FBN3: variants seen among roughly 807,000 people sequenced by gnomAD.
FBN3 encodes fibrillin-3.
Under a neutral mutation model 330.1 loss-of-function variants are expected in FBN3, and 234 were observed. That is an observed-to-expected ratio of 0.71 (90% CI 0.64 to 0.79). FBN3 has a LOEUF of 0.79. FBN3 is among the 30% of genes least tolerant of loss of function. The pLI is 0.00. For missense variants in FBN3, 3,606 were observed against 3,886.9 expected (o/e 0.93, Z 1.92); for synonymous variants, 1,458 against 1,517.3 (o/e 0.96, Z 0.91).
intron 22 of FBN3, among the ~76,000 whole-genome samples, 170 bp downstream of exon 22, chr19:8,125,722 C>T (rs900053204): frequency 2.0e-5 from 3 of 147,500 alleles, no homozygotes; most frequent in African/African-American, 7.6e-5. Context: ...ACCCGGGAGG[C>T]GGAAGTTACA....
chr19:8,133,473 C>CA (rs1202539801), intron 13 of FBN3, among the ~76,000 whole-genome samples: 1 of 150,290 alleles, frequency 6.7e-6, no homozygotes, highest in Non-Finnish European at 1.5e-5. Context: ...TTTTTTGAGA[C>CA]AGAGTCTCGC....
intron 8 of FBN3, among the ~76,000 whole-genome samples, chr19:8,140,224 G>A (rs2083380074): frequency 6.6e-6 from 1 of 152,208 alleles, no homozygotes; most frequent in South Asian, 2.1e-4. Flanking sequence ...AGCACTTTGG[G>A]AGGCTGAGGC....
intron 8 of FBN3, 106 bp downstream of exon 8, chr19:8,141,605 AGAACTG>A: frequency 8.1e-7 from 1 of 1,240,504 alleles, no homozygotes; most frequent in Non-Finnish European, 1.1e-6. Context: ...GGACAAGGTC[AGAACTG>A]GGCACCTCAC....
chr19:8,066,652 G>A (rs938762504), intron 63 of FBN3, among the ~76,000 whole-genome samples: 8 of 151,700 alleles, frequency 5.3e-5, no homozygotes, highest in Non-Finnish European at 7.4e-5. Context: ...AGGCCGAGGC[G>A]GGTGGATCAC....
At chr19:8,139,019 A>C (rs2083352520) in intron 8 of FBN3, among the ~76,000 whole-genome samples, 1 of 151,460 alleles carries the variant, frequency 6.6e-6, no homozygotes. Context: ...ATGCCACTGC[A>C]CTCCGGCCTG....
Position 8,147,334 on chromosome 19 carries a change from G to T in FBN3, c.147C>A (p.Gly49=), listed in dbSNP as rs1262997574. ...CGCACCCCTGCAAGATGCCTGGGCTGCCCCGCCTCCGCACACGTCCAGGAC... is the reference window on the plus strand; with the variant it reads ...CGCACCCCTGCAAGATGCCTGGGCTTCCCCGCCTCCGCACACGTCCAGGAC... ...AAGPGRVRRR[G]SPGILQGPNV... Residue 49 remains glycine, a synonymous_variant, in exon 2 of 64, where the codon GGC becomes GGA. Coordinates refer to ENST00000600128, the MANE Select transcript of FBN3 (RefSeq NM_032447.5). 6.3e-7 allele frequency: 1 copy of T among 1,597,584 alleles called. No homozygotes were observed. Among genetic ancestry groups the T allele is most frequent in the Non-Finnish European group, 8.5e-7 (1 of 1,174,296 alleles).
chr19:8,083,878 C>T (rs1189341868), intron 56 of FBN3, among the ~76,000 whole-genome samples: 1 of 149,766 alleles, frequency 6.7e-6, no homozygotes, highest in Middle Eastern at 3.3e-3. Context: ...TCTCTGCTCA[C>T]TGCAAGCTCC....
In FBN3 at chr19:8,087,133, G is replaced by T; in HGVS notation, c.6698C>A (p.Ala2233Glu). The T allele has an allele frequency of 6.2e-7, 1 of 1,610,984 alleles. No individual in the cohort carries two copies. The highest frequency in any genetic ancestry group is 8.5e-7 in the Non-Finnish European group (1 of 1,179,548). The change falls in exon 54 of 64, where the codon GCG (alanine) becomes GAG (glutamate). Residue 2233 changes from alanine to glutamate, a missense_variant. Physicochemically the swap from Ala to Glu is moderately radical, Grantham distance 107. Coordinates refer to ENST00000600128, the MANE Select transcript of FBN3 (RefSeq NM_032447.5). ...CCGCATGCCTGGGGGACAGACGCACGCGAAGGTACCGATGAGGTTCTTGCA... is the reference window on the plus strand; with the variant it reads ...CCGCATGCCTGGGGGACAGACGCACTCGAAGGTACCGATGAGGTTCTTGCA... ...MECKNLIGTFACVCPPGMRPL... is the reference protein window; with the variant it reads ...MECKNLIGTFECVCPPGMRPL...
chr19:8,102,563 A>C (rs560695818), intron 40 of FBN3, among the ~76,000 whole-genome samples, 161 bp downstream of exon 40: 32 of 152,266 alleles, frequency 2.1e-4, no homozygotes, highest in Admixed American at 1.8e-3. Context: ...GTATTTCTTC[A>C]CAGCAGTATG....
chr19:8,111,188 G>T lies in FBN3; in HGVS notation c.4085-5C>A. 1 of 1,586,758 alleles carries T rather than the reference G, an allele frequency of 6.3e-7. No homozygotes were observed. ...TCTCGGCACATTCATCCCTGTCTGA[G>T]GGGCCCCAAGATTCGGAGGGCTGGA... On this transcript the variant is annotated splice_region_variant and splice_polypyrimidine_tract_variant and intron_variant, in intron 32 of 63. Transcript: ENST00000600128.
intron 59 of FBN3, among the ~76,000 whole-genome samples, chr19:8,078,207 T>C (rs2081688135): frequency 6.6e-6 from 1 of 152,198 alleles, no homozygotes; most frequent in African/African-American, 2.4e-5. Flanking sequence ...GTTTAGTCAT[T>C]AGCAGACAGG....
intron 42 of FBN3, 73 bp from the exon 43 acceptor site, chr19:8,097,079 T>A: frequency 1.9e-6 from 3 of 1,567,660 alleles, no homozygotes; most frequent in Middle Eastern, 3.4e-4. Context: ...TGAAACCCAG[T>A]CCACTGCTTC....
chr19:8,071,977 C>T (rs572415980), intron 63 of FBN3, 71 bp downstream of exon 63: 11 of 1,463,656 alleles, frequency 7.5e-6, no homozygotes, highest in Admixed American at 4.1e-5. Flanking sequence ...ATGACTAAGT[C>T]GGGTCCACAG....
In FBN3 at chr19:8,089,973, G is replaced by T. The variant is rs201214097; in HGVS notation, c.6185-14C>A. 4.5e-5 allele frequency: 73 copies of T among 1,608,862 alleles called. No individual in the cohort carries two copies. In the East Asian group the frequency reaches 1.6e-3, roughly 35 times the overall value. Reference sequence around the variant, plus strand: ...CCTGAAAGGCAGCTGGACGGAGAGGGGGAGGGGAGTCAGAGTCAGGGCCTA... The same window carrying T: ...CCTGAAAGGCAGCTGGACGGAGAGGTGGAGGGGAGTCAGAGTCAGGGCCTA... On this transcript the variant is annotated splice_polypyrimidine_tract_variant and intron_variant, in intron 49 of 63. Transcript: ENST00000600128.
chr19:8,144,872 G>C lies in FBN3; in HGVS notation c.541+5C>G, dbSNP rs1313319827. On this transcript the variant is annotated splice_donor_5th_base_variant and intron_variant, in intron 6 of 63. Transcript: ENST00000600128. The stretch of plus-strand genomic sequence containing the variant: ...GTCTACCTCCCACCCGCGCATGCTT[G>C]GTACCTCTCTCACATTGAGGTCCCA... The C allele has an allele frequency of 6.2e-7, 1 of 1,600,358 alleles. No homozygotes were observed. The highest frequency in any genetic ancestry group is 1.3e-5 in the African/African-American group (1 of 74,840).
In FBN3 at chr19:8,131,671, CGAT is replaced by C; in HGVS notation, c.1870_1872del (p.Ile624del). The C allele has an allele frequency of 6.2e-7, 1 of 1,614,210 alleles. No individual in the cohort carries two copies. ...AAGGGGCGGGCACAGGAGCCCTTCT[CGAT>C]GGCCCCATAGCAGGTGCTGCGCACG... On this transcript the variant is annotated inframe_deletion, in exon 15 of 64. Transcript: ENST00000600128. This position sits in a 1 kb window ranked among gnomAD's most constrained non-coding sequence, Gnocchi z 4.5.
rs760636714 is a variant in FBN3, at chr19:8,126,516, C to T, written c.2506G>A (p.Ala836Thr). Residue 836 changes from alanine (A) to threonine (T), a missense_variant, in exon 20 of 64, where the codon GCC becomes ACC. Physicochemically the swap from Ala to Thr is moderately conservative, Grantham distance 58. Coordinates refer to ENST00000600128, the MANE Select transcript of FBN3 (RefSeq NM_032447.5). ...CTCCCCCAGGCTGCCCCGAGGGTGG[C>T]GCAGCACTCAGACCGCAGGCTGGCT... Reference protein sequence around the residue: ...QGASLRSECCATLGAAWGSPC... With the variant: ...QGASLRSECCTTLGAAWGSPC... The T allele has an allele frequency of 6.2e-7, 1 of 1,613,344 alleles. No individual in the cohort carries two copies. Among genetic ancestry groups the T allele is most frequent in the Non-Finnish European group, 8.5e-7 (1 of 1,179,850 alleles).
intron 6 of FBN3, among the ~76,000 whole-genome samples, chr19:8,142,392 G>A (rs945503009): frequency 6.6e-6 from 1 of 152,096 alleles, no homozygotes; most frequent in Non-Finnish European, 1.5e-5. Flanking sequence ...ATAAAGCTCA[G>A]GGCCTGTGTG....
In FBN3 at chr19:8,145,944, G is replaced by C; in HGVS notation, c.350-6C>G. ...GCTCACACTGCACCCTGACCCTGGG[G>C]ACAGGAAGGCAGGACGCATAGTAAT... On this transcript the variant is annotated splice_polypyrimidine_tract_variant and splice_region_variant and intron_variant, in intron 4 of 63. Transcript: ENST00000600128. 6.4e-7 allele frequency: 1 copy of C among 1,550,606 alleles called. No homozygotes were observed. Among genetic ancestry groups the C allele is most frequent in the Non-Finnish European group, 8.7e-7 (1 of 1,146,456 alleles).
Sources: allele counts gnomAD v4.1 joint callset (sites outside exome capture counted in the v4.1 genomes callset), GRCh38; gene constraint gnomAD v4.1.1; non-coding constraint Gnocchi (gnomAD v3.1); transcripts MANE v1.5; gene names NCBI Gene and HGNC (gene_info 2026-07-23, HGNC 2026-07-21).